Variants in DGKK observed in about 807,000 individuals in gnomAD.
The protein encoded by DGKK is 142 kDa diacylglycerol kinase.
Under a neutral mutation model 92.2 loss-of-function variants are expected in DGKK, and 35 were observed. That is an observed-to-expected ratio of 0.38 (90% CI 0.29 to 0.50). The LOEUF (loss-of-function observed/expected upper bound fraction) is 0.50. DGKK is among the 20% of genes least tolerant of loss of function. The pLI is 0.92. For missense variants in DGKK, 910 were observed against 992.2 expected (o/e 0.92, Z 1.11); for synonymous variants, 368 against 360.6 (o/e 1.02, Z -0.23).
At chrX:50,385,362 G>A (rs1307452420) in intron 15 of DGKK, among the ~76,000 whole-genome samples, 1 of 111,510 alleles carries the variant, frequency 9.0e-6, no homozygotes, top group African/African-American at 3.3e-5. Context: ...CTGTGTCAAA[G>A]CTCATAGGTT....
intron 9 of DGKK, among the ~76,000 whole-genome samples, chrX:50,392,706 C>T (rs1172974713): frequency 8.9e-6 from 1 of 112,469 alleles, no homozygotes. Context: ...TGCTGAGGCC[C>T]AGGAAGATGC....
rs782241274 is a variant in DGKK at position 50,394,906 on chromosome X, T to C, written c.1412-1571A>G. Among the ~76,000 whole-genome samples, 3 of 110,993 alleles carry C rather than the reference T, an allele frequency of 2.7e-5. No individual in the cohort carries two copies. The South Asian group carries it at 1.2e-3, about 43-fold the overall frequency. ...CTTGAATGAATGCAGGAGTGAGCAA[T>C]GCAGGGAAGAGTGTTTTGGGGGTAG... On this transcript the variant is annotated intron_variant, in intron 8 of 27. Coordinates refer to ENST00000611977, the MANE Select transcript of DGKK (RefSeq NM_001013742.4).
At position 50,470,797 on chromosome X, in the gene DGKK, C is replaced by T. The variant is rs1927060665; in HGVS notation, c.-119G>A. The T allele has an allele frequency of 1.2e-6, 1 of 834,293 alleles. No individual in the cohort carries two copies. Among genetic ancestry groups the T allele is most frequent in the Admixed American group, 4.0e-5 (1 of 25,282 alleles). The allele number at this position is 834,293 out of a possible 1,213,427, so 68.8% of individuals were successfully genotyped here. Reference sequence around the variant, plus strand: ...CCCTCGCAGGGTGCCAAACTTTCCCCCATCCCACTCCATGGCTGGCTTGGC... The same window carrying T: ...CCCTCGCAGGGTGCCAAACTTTCCCTCATCCCACTCCATGGCTGGCTTGGC... On this transcript the variant is annotated 5_prime_UTR_variant, in exon 1 of 28. Transcript: ENST00000611977.
chrX:50,447,330 ATATATATATATAT>A (rs1926339538), intron 1 of DGKK, among the ~76,000 whole-genome samples: 1 of 23,652 alleles, frequency 4.2e-5, no homozygotes, highest in Non-Finnish European at 6.9e-5. Context: ...GTGTATGTAT[ATATATATATATAT>A]TATATATATA....
chrX:50,448,181 C>T (rs1487717404), intron 1 of DGKK, among the ~76,000 whole-genome samples: 1 of 110,722 alleles, frequency 9.0e-6, no homozygotes, highest in East Asian at 2.8e-4. Context: ...TATTAAAGCT[C>T]CTTTCTCTTT....
intron 1 of DGKK, among the ~76,000 whole-genome samples, chrX:50,441,796 AT>A (rs1350728235): frequency 2.7e-5 from 3 of 111,793 alleles, no homozygotes; most frequent in African/African-American, 9.7e-5. Flanking sequence ...ATTTTGTATT[AT>A]TGCCATTTAT....
At chrX:50,377,201 T>C (rs4472655) in intron 22 of DGKK, among the ~76,000 whole-genome samples, 38,274 of 111,551 alleles carry the variant, frequency 0.34, 5,846 homozygotes, top group African/African-American at 0.57. Context: ...ATGTCTGGTT[T>C]CTAGAAGCTC....
At chrX:50,401,436 A>C (rs1016948140) in intron 7 of DGKK, among the ~76,000 whole-genome samples, 1 of 111,483 alleles carries the variant, frequency 9.0e-6, no homozygotes, top group South Asian at 3.9e-4. Context: ...AGTGGCCTGC[A>C]GAATGGGGAA....
At chrX:50,409,041 T>C (rs1925241034) in intron 4 of DGKK, among the ~76,000 whole-genome samples, 1 of 111,677 alleles carries the variant, frequency 9.0e-6, no homozygotes, top group Non-Finnish European at 1.9e-5. Context: ...TACCTGTGAC[T>C]GTGATTCTAT....
intron 14 of DGKK, 146 bp from the exon 15 acceptor site, chrX:50,386,732 G>A (rs947163673): frequency 1.7e-4 from 80 of 474,895 alleles, no homozygotes; most frequent in Non-Finnish European, 2.7e-4. Context: ...CATGTGAGAA[G>A]ATGAAGTACT....
intron 1 of DGKK, among the ~76,000 whole-genome samples, chrX:50,431,121 T>A (rs1431441173): frequency 1.8e-5 from 2 of 110,821 alleles, no homozygotes; most frequent in Non-Finnish European, 3.8e-5. Context: ...AACCTCAAAC[T>A]CCTGTCTCAA....
At chrX:50,433,922 T>G (rs920829605) in intron 1 of DGKK, among the ~76,000 whole-genome samples, 1 of 111,622 alleles carries the variant, frequency 9.0e-6, no homozygotes, top group Non-Finnish European at 1.9e-5. Context: ...GGTCAGGACA[T>G]CAGTTAGCTT....
At chrX:50,387,056 C>CACTT (rs1260352857) in intron 14 of DGKK, among the ~76,000 whole-genome samples, 2 of 111,279 alleles carry the variant, frequency 1.8e-5, no homozygotes, top group African/African-American at 6.5e-5. Flanking sequence ...TTAGCTCCAT[C>CACTT]ACTTAATAGT....
At position 50,392,377 on chromosome X, in the gene DGKK, G is replaced by A. The variant is rs782250933; in HGVS notation, c.1668C>T (p.Val556=). 8.3e-7 allele frequency: 1 copy of A among 1,210,834 alleles called. No individual in the cohort carries two copies. Among genetic ancestry groups the A allele is most frequent in the Non-Finnish European group, 1.1e-6 (1 of 894,439 alleles). ...ATCCAAAGGCATCAATCAGAGATAA[G>A]ACCCAGCTCACGCTGCCATCTCCAC... The part of the protein sequence containing the change: ...VCGGDGSVSW[V]LSLIDAFGLH... The change falls in exon 10 of 28, where the codon GTC becomes GTT. Residue 556 remains valine, a synonymous_variant. Transcript: ENST00000611977.
intron 1 of DGKK, among the ~76,000 whole-genome samples, chrX:50,464,156 G>A (rs367598425): frequency 1.1e-5 from 1 of 94,305 alleles, no homozygotes; most frequent in African/African-American, 3.9e-5. Context: ...TTTTTTTTTG[G>A]TTGTGTTTTG....
At chrX:50,423,510 C>T (rs1478818181) in intron 2 of DGKK, among the ~76,000 whole-genome samples, 1 of 111,838 alleles carries the variant, frequency 8.9e-6, no homozygotes, top group Non-Finnish European at 1.9e-5. Flanking sequence ...CGTTACACCC[C>T]TGTGTTAGCC....
At chrX:50,433,064 T>C (rs1557230454) in intron 1 of DGKK, among the ~76,000 whole-genome samples, 1 of 111,867 alleles carries the variant, frequency 8.9e-6, no homozygotes, top group East Asian at 2.8e-4. Context: ...CGCCCAGAAC[T>C]ACTTATAGGT....
intron 6 of DGKK, 42 bp from the exon 7 acceptor site, chrX:50,403,225 C>T (rs1557226841): frequency 1.7e-6 from 2 of 1,151,993 alleles, no homozygotes; most frequent in Admixed American, 2.6e-5. Context: ...AAGTTAGAGA[C>T]ATAAGGAGAG....
intron 1 of DGKK, among the ~76,000 whole-genome samples, chrX:50,466,017 C>CTTTTTTTTTT (rs72090197): frequency 3.3e-3 from 142 of 42,737 alleles, no homozygotes; most frequent in Middle Eastern, 0.029. Flanking sequence ...TTTCTTTTTT[C>CTTTTTTTTTT]TTTTTTTTTT....
Sources: gnomAD v4.1 joint callset for allele counts (sites outside exome capture counted in the v4.1 genomes callset) on GRCh38, gnomAD v4.1.1 for gene constraint, MANE v1.5 for transcripts, NCBI Gene and HGNC (gene_info 2026-07-23, HGNC 2026-07-21) for gene names.